The following LRBA variants were observed in gnomAD, a reference collection of about 807,000 sequenced individuals.
The protein encoded by LRBA is LPS responsive beige-like anchor protein, also known as lipopolysaccharide-responsive and beige-like anchor protein.
Under a neutral mutation model 330.0 loss-of-function variants are expected in LRBA, and 176 were observed. The ratio of observed to expected loss-of-function variants is 0.53; its 90% confidence interval spans 0.47 to 0.60. The LOEUF (loss-of-function observed/expected upper bound fraction) is 0.60, where lower values mean the gene tolerates loss of function less well. Among genes scored for constraint, LRBA ranks in the 20% least tolerant of loss-of-function variants. LRBA has a pLI of 0.00. For synonymous variants in LRBA, 1,230 were observed against 1,193.0 expected (o/e 1.03, Z -0.64); for missense variants, 3,259 against 3,444.8 (o/e 0.95, Z 1.35).
At chr4:150,575,690 C>T (rs957787844) in intron 40 of LRBA, among the ~76,000 whole-genome samples, 10 of 152,008 alleles carry the variant, frequency 6.6e-5, no homozygotes, top group African/African-American at 2.4e-4. Context: ...TCTCTAATTT[C>T]ACTCATCTGT....
At chr4:150,664,529 G>T (rs760136103) in intron 37 of LRBA, among the ~76,000 whole-genome samples, 4 of 152,124 alleles carry the variant, frequency 2.6e-5, no homozygotes, top group African/African-American at 7.2e-5. Flanking sequence ...CCGGTTCACA[G>T]GATGTGTTCC....
rs555870565 is a variant in LRBA at position 150,459,848 on chromosome 4, A to C, written c.6780+7825T>G. 1.5e-3 allele frequency among the ~76,000 whole-genome samples: 231 copies of C among 152,044 alleles called. 1 individual carries two copies. The highest frequency in any genetic ancestry group is 2.4e-3 in the Non-Finnish European group (164 of 67,890). On this transcript the variant is annotated intron_variant, in intron 44 of 56. Transcript: ENST00000651943. The stretch of plus-strand genomic sequence containing the variant: ...AATAAAACATATCCAAAACATAATC[A>C]AGTATGGGGTAATTTTTAGTTTCTT...
intron 54 of LRBA, among the ~76,000 whole-genome samples, chr4:150,285,256 G>C (rs148932144): frequency 6.6e-6 from 1 of 152,236 alleles, no homozygotes; most frequent in Admixed American, 6.5e-5. Context: ...GCTCAGAGCA[G>C]AGACAGAGAG....
intron 37 of LRBA, among the ~76,000 whole-genome samples, chr4:150,642,062 T>C (rs1363489119): frequency 6.6e-6 from 1 of 152,026 alleles, no homozygotes; most frequent in Non-Finnish European, 1.5e-5. Flanking sequence ...ATTAATACAG[T>C]ATTCTAAGTT....
At chr4:150,990,040 A>C (rs1461986193) in intron 2 of LRBA, among the ~76,000 whole-genome samples, 1 of 152,144 alleles carries the variant, frequency 6.6e-6, no homozygotes, top group Admixed American at 6.5e-5. Context: ...TAGGTAAAAT[A>C]TTCTTATAGA....
intron 37 of LRBA, among the ~76,000 whole-genome samples, chr4:150,623,730 G>GA (rs536517149): frequency 1.1e-4 from 16 of 150,082 alleles, no homozygotes; most frequent in African/African-American, 2.4e-4. Context: ...ACTTGAAAAA[G>GA]AAAAAAAAAT....
intron 34 of LRBA, among the ~76,000 whole-genome samples, chr4:150,762,409 C>A (rs367941730): frequency 2.0e-5 from 3 of 151,912 alleles, no homozygotes; most frequent in East Asian, 3.9e-4. Context: ...TAACTATATT[C>A]TTGATCCATT....
chr4:150,448,140 C>T (rs925648301), intron 44 of LRBA, among the ~76,000 whole-genome samples: 3 of 152,090 alleles, frequency 2.0e-5, no homozygotes, highest in Non-Finnish European at 2.9e-5. Context: ...ACAAAATAGC[C>T]TAGGACACCT....
chr4:150,492,174 T>TG (rs1561256102), intron 40 of LRBA, among the ~76,000 whole-genome samples: 1 of 83,648 alleles, frequency 1.2e-5, no homozygotes. Flanking sequence ...GTAGTTTTTT[T>TG]GAAAAAAAAA....
chr4:150,772,686 T>C (rs1051279163), intron 34 of LRBA, among the ~76,000 whole-genome samples: 7 of 152,134 alleles, frequency 4.6e-5, no homozygotes, highest in Non-Finnish European at 8.8e-5. Flanking sequence ...TGGGTTTGCA[T>C]TGCAATTTAC....
At chr4:150,362,595 G>C (rs1187700439) in intron 47 of LRBA, among the ~76,000 whole-genome samples, 2 of 152,254 alleles carry the variant, frequency 1.3e-5, no homozygotes, top group Non-Finnish European at 2.9e-5. Context: ...CAGGGGCAGA[G>C]TCCAAGAATT....
At chr4:150,291,019 A>AT (rs1728222944) in intron 53 of LRBA, among the ~76,000 whole-genome samples, 2 of 151,324 alleles carry the variant, frequency 1.3e-5, no homozygotes, top group African/African-American at 4.9e-5. Flanking sequence ...GGTTAGTTAC[A>AT]TATGTATACA....
chr4:150,455,589 T>C (rs1753959105), intron 44 of LRBA, among the ~76,000 whole-genome samples: 1 of 152,154 alleles, frequency 6.6e-6, no homozygotes. Context: ...GATGTTTTGA[T>C]ACAGGCAAGC....
At chr4:150,749,787 C>A (rs957677003) in intron 35 of LRBA, among the ~76,000 whole-genome samples, 1 of 151,596 alleles carries the variant, frequency 6.6e-6, no homozygotes, top group Non-Finnish European at 1.5e-5. Context: ...AAAAAAAAAA[C>A]CCTGTAAGTT....
rs192313583 is a variant in LRBA, at chr4:150,775,324, A to G, written c.5581-13477T>C. 5.3e-3 allele frequency among the ~76,000 whole-genome samples: 803 copies of G among 152,106 alleles called. 3 individuals carry two copies. The highest frequency in any genetic ancestry group is 8.9e-3 in the Non-Finnish European group (602 of 67,988). On this transcript the variant is annotated intron_variant, in intron 34 of 56. Coordinates refer to ENST00000651943, the MANE Select transcript of LRBA (RefSeq NM_001364905.1). ...CTACTCCAAAGTTCCAATCTCCCCA[A>G]ATTATTTTATTTATTTAGAGACAAA... is the stretch of plus-strand genomic sequence containing the variant.
At chr4:150,504,558 C>T (rs4419456) in intron 40 of LRBA, among the ~76,000 whole-genome samples, 9,968 of 152,218 alleles carry the variant, frequency 0.065, 532 homozygotes, top group East Asian at 0.18. Flanking sequence ...GATTTTGTCA[C>T]CACCAGGCCT....
chr4:150,810,625 A>G (rs1743584746), intron 31 of LRBA, among the ~76,000 whole-genome samples: 1 of 152,070 alleles, frequency 6.6e-6, no homozygotes, highest in Admixed American at 6.6e-5. Context: ...TTTTTGAGAG[A>G]GGGTCTTGCT....
intron 36 of LRBA, among the ~76,000 whole-genome samples, chr4:150,693,400 A>T (rs1335702913): frequency 6.6e-6 from 1 of 150,984 alleles, no homozygotes; most frequent in Non-Finnish European, 1.5e-5. Flanking sequence ...CGTCTCTACT[A>T]AAAATACAAA....
At chr4:150,982,399 G>A (rs1457200664) in intron 2 of LRBA, among the ~76,000 whole-genome samples, 3 of 151,804 alleles carry the variant, frequency 2.0e-5, no homozygotes, top group Non-Finnish European at 4.4e-5. Context: ...AGGTTTAGAG[G>A]GAACTAAAAA....
Sources: gnomAD v4.1 joint callset for allele counts (sites outside exome capture counted in the v4.1 genomes callset) on GRCh38, gnomAD v4.1.1 for gene constraint, MANE v1.5 for transcripts, NCBI Gene and HGNC (gene_info 2026-07-23, HGNC 2026-07-21) for gene names.